The following GUSB variants were observed in gnomAD, a reference collection of about 807,000 sequenced individuals.
GUSB encodes the protein beta-glucuronidase.
A neutral mutation model predicts 74.6 loss-of-function variants in GUSB; 51 were observed. The observed-to-expected ratio is 0.68, with a 90% confidence interval of 0.55 to 0.86. GUSB has a LOEUF of 0.86. GUSB is among the 40% of genes least tolerant of loss of function. GUSB has a pLI of 0.00. For missense variants in GUSB, 736 were observed against 853.7 expected (o/e 0.86, Z 1.72); for synonymous variants, 360 against 348.3 (o/e 1.03, Z -0.37).
At position 65,980,389 on chromosome 7, in the gene GUSB, C is replaced by T. The variant is rs2116043307; in HGVS notation, c.231G>A (p.Met77Ile). 1 of 1,613,558 alleles carries T rather than the reference C, an allele frequency of 6.2e-7. No homozygotes were observed. Among genetic ancestry groups the T allele is most frequent in the Non-Finnish European group, 8.5e-7 (1 of 1,179,766 alleles). Residue 77 changes from methionine to isoleucine, a missense_variant, in exon 2 of 12, where the codon ATG (methionine) becomes ATA (isoleucine). Met to Ile is a conservative substitution (Grantham distance 10, BLOSUM62 1). Coordinates refer to ENST00000304895, the MANE Select transcript of GUSB (RefSeq NM_000181.4). ...PLWESGPTVD[M>I]PVPSSFNDIS... The stretch of plus-strand genomic sequence containing the variant: ...TGTCATTGAAGCTGGAGGGAACTGG[C>T]ATGTCCACGGTGGGGCCTGACTGTG...
intron 1 of GUSB, 71 bp downstream of exon 1, chr7:65,981,903 G>C: frequency 7.5e-7 from 1 of 1,331,870 alleles, no homozygotes; most frequent in Non-Finnish European, 1.0e-6. Flanking sequence ...AGAAGTCTGC[G>C]GGGGGCCCGG....
Position 65,975,985 on chromosome 7 carries a change from T to C in GUSB, c.912+30A>G, listed in dbSNP as rs1302079225. Reference sequence around the variant, plus strand: ...GGTCACCACATGGGGGCAAAAGACCTCCCTTAGGCATGTCCCAAACCACCA... The same window carrying C: ...GGTCACCACATGGGGGCAAAAGACCCCCCTTAGGCATGTCCCAAACCACCA... On this transcript the variant is annotated intron_variant, in intron 5 of 11. Coordinates refer to ENST00000304895, the MANE Select transcript of GUSB (RefSeq NM_000181.4). 5 of 1,596,628 alleles carry C rather than the reference T, an allele frequency of 3.1e-6. No individual in the cohort carries two copies. In the African/African-American group the frequency reaches 6.7e-5, roughly 21 times the overall value.
chr7:65,976,331 ATT>A (rs900925917), intron 4 of GUSB, 129 bp from the exon 5 acceptor site: 126 of 560,816 alleles, frequency 2.2e-4, no homozygotes, highest in Admixed American at 2.7e-4. Flanking sequence ...TTAATTTCTT[ATT>A]TTTTTTTTTT....
At chr7:65,971,664 A>G (rs1384342611) in intron 8 of GUSB, among the ~76,000 whole-genome samples, 1 of 151,920 alleles carries the variant, frequency 6.6e-6, no homozygotes, top group African/African-American at 2.4e-5. Context: ...CCCAGGAGGT[A>G]GAGGTTGTAG....
chr7:65,979,809 G>A lies in GUSB; in HGVS notation c.499C>T (p.Arg167Ter), dbSNP rs769769379. The change falls in exon 3 of 12, where the codon CGA (arginine) becomes TGA (stop). Residue 167 changes from arginine to a stop codon, truncating the protein, a stop_gained. Transcript: ENST00000304895. LOFTEE classifies it high-confidence loss of function. ...GTGTTGTTGATGGCGATAGTGATTC[G>A]GAGCCGGGAGGGCAGGGGCCCCACC... ...VQVGPLPSRL[R>*]ITIAINNTLT... is the part of the protein sequence containing the mutation. The A allele has an allele frequency of 3.1e-6, 5 of 1,613,660 alleles. No homozygotes were observed. Among genetic ancestry groups the A allele is most frequent in the African/African-American group, 1.3e-5 (1 of 74,924 alleles).
intron 9 of GUSB, 72 bp from the exon 10 acceptor site, chr7:65,967,979 G>T (rs1175369388): frequency 4.7e-6 from 6 of 1,269,664 alleles, no homozygotes; most frequent in East Asian, 2.3e-5. Context: ...CACTGCGGGG[G>T]CTCCTCTGGC....
chr7:65,977,488 C>A (rs998037429), intron 4 of GUSB, among the ~76,000 whole-genome samples: 1 of 152,048 alleles, frequency 6.6e-6, no homozygotes, highest in Non-Finnish European at 1.5e-5. Context: ...CAATAAATTG[C>A]TCTATGGTGC....
chr7:65,977,351 T>G (rs925319893), intron 4 of GUSB, among the ~76,000 whole-genome samples: 1 of 152,062 alleles, frequency 6.6e-6, no homozygotes, highest in South Asian at 2.1e-4. Context: ...TAATGTTGGC[T>G]AAGCTGGTTT....
intron 10 of GUSB, among the ~76,000 whole-genome samples, chr7:65,965,929 G>A (rs1583894262): frequency 2.0e-5 from 3 of 152,138 alleles, no homozygotes; most frequent in African/African-American, 7.2e-5. Context: ...CCAGCACTTT[G>A]GGAGGCCAAG....
chr7:65,965,006 C>T (rs1399505181), intron 10 of GUSB, among the ~76,000 whole-genome samples: 3 of 151,830 alleles, frequency 2.0e-5, no homozygotes, highest in Admixed American at 6.6e-5. Flanking sequence ...GAGATCAAAG[C>T]GACAGTGAGC....
chr7:65,961,489 G>A (rs2115806022), intron 11 of GUSB, among the ~76,000 whole-genome samples: 1 of 152,248 alleles, frequency 6.6e-6, no homozygotes, highest in Non-Finnish European at 1.5e-5. Context: ...TTTATGGGTT[G>A]AAATATTTAA....
At chr7:65,975,244 T>C in intron 5 of GUSB, 173 bp from the exon 6 acceptor site, 2 of 651,628 alleles carry the variant, frequency 3.1e-6, no homozygotes. Context: ...AACCTGCCCT[T>C]CAAAACATGG....
intron 7 of GUSB, 22 bp downstream of exon 7, chr7:65,974,504 C>G (rs761072229): frequency 1.2e-6 from 2 of 1,614,000 alleles, no homozygotes; most frequent in African/African-American, 1.3e-5. Flanking sequence ...GCAGGCGGAG[C>G]AGGTGCACAG....
At chr7:65,961,626 T>C (rs1790502768) in intron 11 of GUSB, among the ~76,000 whole-genome samples, 1 of 152,042 alleles carries the variant, frequency 6.6e-6, no homozygotes, top group Non-Finnish European at 1.5e-5. Context: ...TCCCAGTGCT[T>C]TGGGAGGCTG....
rs1790689226 is a variant in GUSB, at chr7:65,964,327, T to C, written c.1785A>G (p.Glu595=). 1 of 1,611,760 alleles carries C rather than the reference T, an allele frequency of 6.2e-7. No homozygotes were observed. Among genetic ancestry groups the C allele is most frequent in the African/African-American group, 1.3e-5 (1 of 74,960 alleles). Residue 595 remains glutamate, a synonymous_variant, in exon 11 of 12, where the codon GAA becomes GAG. Coordinates refer to ENST00000304895, the MANE Select transcript of GUSB (RefSeq NM_000181.4). ...LIWNFADFMT[E]QSPTRVLGNK... Reference sequence around the variant, plus strand: ...ATGAGCCAAACTGCCACTTACACTGTTCAGTCATGAAATCGGCAAAATTCC... The same window carrying C: ...ATGAGCCAAACTGCCACTTACACTGCTCAGTCATGAAATCGGCAAAATTCC...
rs554216436 is a variant in GUSB at position 65,979,556 on chromosome 7, C to T, written c.582-15G>A. On this transcript the variant is annotated splice_polypyrimidine_tract_variant and intron_variant, in intron 3 of 11. Coordinates refer to ENST00000304895, the MANE Select transcript of GUSB (RefSeq NM_000181.4). ...CCTTGGGATACCTAGGATGGGAGGA[C>T]TGTGGTTTGCTGGGCCCTTGCTCTG... 5.0e-6 allele frequency: 8 copies of T among 1,614,104 alleles called. No homozygotes were observed. The South Asian group carries it at 8.8e-5, about 18-fold the overall frequency.
Position 65,960,809 on chromosome 7 carries a change from G to A in GUSB, c.*88C>T, listed in dbSNP as rs960705802. ...CAGGCCAGAAACGTTCTGGTCTGCC[G>A]TGAACAGTCCAGGAGGCACTTGTTC... is the stretch of plus-strand genomic sequence containing the variant. On this transcript the variant is annotated 3_prime_UTR_variant, in exon 12 of 12. Transcript: ENST00000304895. 31 of 1,092,458 alleles carry A rather than the reference G, an allele frequency of 2.8e-5. No individual in the cohort carries two copies. The highest frequency in any genetic ancestry group is 1.3e-4 in the Admixed American group (8 of 59,292). The allele number at this position is 1,092,458 out of a possible 1,614,324, so 67.7% of individuals were successfully genotyped here.
At position 65,960,710 on chromosome 7, in the gene GUSB, T is replaced by C; in HGVS notation, c.*187A>G. The C allele has an allele frequency of 3.3e-6, 2 of 614,300 alleles. No homozygotes were observed. Among genetic ancestry groups the C allele is most frequent in the Non-Finnish European group, 5.8e-6 (2 of 345,782 alleles). 38.1% of individuals were successfully genotyped at this position (614,300 alleles called of 1,614,324 possible). A position where few individuals can be genotyped will look rare whatever the true frequency, so the allele number is the denominator to read the frequency against. ...TTTCAGTAGCCACTTTCATGCCAAC[T>C]CTTTATTTCCATAATAGAAAATCTT... On this transcript the variant is annotated 3_prime_UTR_variant, in exon 12 of 12. Transcript: ENST00000304895.
At position 65,974,512 on chromosome 7, in the gene GUSB, C is replaced by G. The variant is rs374374179; in HGVS notation, c.1244+14G>C. 1 of 1,614,140 alleles carries G rather than the reference C, an allele frequency of 6.2e-7. No homozygotes were observed. The highest frequency in any genetic ancestry group is 2.2e-5 in the East Asian group (1 of 44,886). ...GGGCTGGGCAGGCGGAGCAGGTGCA[C>G]AGCAGAGACTCACGGCAGCGCCAGG... On this transcript the variant is annotated intron_variant, in intron 7 of 11. Transcript: ENST00000304895.
Sources: gnomAD v4.1 joint callset for allele counts (sites outside exome capture counted in the v4.1 genomes callset) on GRCh38, gnomAD v4.1.1 for gene constraint, MANE v1.5 for transcripts, NCBI Gene and HGNC (gene_info 2026-07-23, HGNC 2026-07-21) for gene names.